The following PBX3 variants were observed in gnomAD, a reference collection of about 807,000 sequenced individuals.
The protein encoded by PBX3 is PBX homeobox 3, also known as pre-B-cell leukemia transcription factor 3.
Under a neutral mutation model 48.5 loss-of-function variants are expected in PBX3, and 14 were observed. The ratio of observed to expected loss-of-function variants is 0.29; its 90% CI spans 0.19 to 0.45. The LOEUF (loss-of-function observed/expected upper bound fraction) is 0.45, where lower values mean the gene tolerates loss of function less well. Among genes scored for constraint, PBX3 ranks in the 20% least tolerant of loss-of-function variants. The probability of loss-of-function intolerance (pLI) is 1.00; values close to 1 mark genes in which losing one functional copy is unlikely to be tolerated. For missense variants in PBX3, 386 were observed against 546.7 expected (o/e 0.71, Z 2.93); for synonymous variants, 210 against 200.3 (o/e 1.05, Z -0.41).
chr9:125,768,155 G>A (rs1318655962), intron 2 of PBX3, among the ~76,000 whole-genome samples: 1 of 152,030 alleles, frequency 6.6e-6, no homozygotes, highest in South Asian at 2.1e-4. Flanking sequence ...TGTCTTTTTG[G>A]TAACTGTTTT....
Position 125,966,778 on chromosome 9 carries a change from C to G in PBX3, c.*855C>G, listed in dbSNP as rs1259991853. 6.6e-6 allele frequency: 1 copy of G among 152,612 alleles called. No homozygotes were observed. The allele number at this position is 152,612 out of a possible 1,614,324, so 9.5% of individuals were successfully genotyped here. A position where few individuals can be genotyped will look rare whatever the true frequency, so the allele number is the denominator to read the frequency against. On this transcript the variant is annotated 3_prime_UTR_variant, in exon 9 of 9. Transcript: ENST00000373489. ...CAAAACACAGCTTTATTACCTCATG[C>G]GAACTCATACAAACCAATAGAATTT... is the stretch of plus-strand genomic sequence containing the variant.
chr9:125,779,623 G>A lies in PBX3; in HGVS notation c.274+31000G>A, dbSNP rs1007390125. Reference sequence around the variant, plus strand: ...TCCCAAGGCAGAAGAATTTATCTTAGTACAGAACAAAATGAAAAGTCTCCC... The same window carrying A: ...TCCCAAGGCAGAAGAATTTATCTTAATACAGAACAAAATGAAAAGTCTCCC... On this transcript the variant is annotated intron_variant, in intron 2 of 8. Transcript: ENST00000373489. 6.8e-5 allele frequency among the ~76,000 whole-genome samples: 8 copies of A among 117,180 alleles called. 1 individual carries two copies. Among genetic ancestry groups the A allele is most frequent in the African/African-American group, 2.6e-4 (7 of 27,060 alleles). The allele number at this position is 117,180 out of a possible 152,430, so 76.9% of individuals were successfully genotyped here. A position where few individuals can be genotyped will look rare whatever the true frequency, so the allele number is the denominator to read the frequency against.
chr9:125,883,937 A>G (rs1350472501), intron 2 of PBX3, among the ~76,000 whole-genome samples: 2 of 152,178 alleles, frequency 1.3e-5, no homozygotes, highest in Non-Finnish European at 2.9e-5. Context: ...GGGCTGAGTG[A>G]TAGATTCGCC....
intron 5 of PBX3, among the ~76,000 whole-genome samples, chr9:125,943,346 C>A (rs1841998325): frequency 1.3e-5 from 1 of 79,592 alleles, no homozygotes; most frequent in African/African-American, 5.1e-5. Context: ...CAGAGTGAGA[C>A]TGTCTCAAAA....
In PBX3 at chr9:125,748,513, A is replaced by G. The variant is rs1273814236; in HGVS notation, c.201-37A>G. On this transcript the variant is annotated intron_variant, in intron 1 of 8. Coordinates refer to ENST00000373489, the MANE Select transcript of PBX3 (RefSeq NM_006195.6). ...AAGGCGCCATATTATTCCATAGGTG[A>G]TGCTAATACCTTTGTGTTTCGTTAT... 1.9e-6 allele frequency: 3 copies of G among 1,603,518 alleles called. No homozygotes were observed. In the African/African-American group the frequency reaches 4.0e-5, roughly 21 times the overall value.
At chr9:125,803,833 A>T (rs755495835) in intron 2 of PBX3, among the ~76,000 whole-genome samples, 19 of 152,252 alleles carry the variant, frequency 1.2e-4, no homozygotes, top group Non-Finnish European at 2.5e-4. Context: ...AGTAAAGTTA[A>T]TGACCTTAGA....
chr9:125,795,391 T>A (rs1242872900), intron 2 of PBX3, among the ~76,000 whole-genome samples: 1 of 152,242 alleles, frequency 6.6e-6, no homozygotes, highest in African/African-American at 2.4e-5. Context: ...AACATTTGAT[T>A]CAGAATTTAG....
chr9:125,817,466 A>G (rs1021300281), intron 2 of PBX3, among the ~76,000 whole-genome samples: 1 of 152,140 alleles, frequency 6.6e-6, no homozygotes, highest in Non-Finnish European at 1.5e-5. Flanking sequence ...TGTGCGATAG[A>G]TACATGTCCC....
chr9:125,791,880 C>G (rs1265180323), intron 2 of PBX3, among the ~76,000 whole-genome samples: 1 of 150,514 alleles, frequency 6.6e-6, no homozygotes, highest in African/African-American at 2.4e-5. Context: ...AGGTTGCAGA[C>G]TCCGTCTCAA....
intron 2 of PBX3, among the ~76,000 whole-genome samples, chr9:125,832,176 A>G (rs1449113883): frequency 1.3e-5 from 2 of 150,786 alleles, no homozygotes; most frequent in Admixed American, 6.6e-5. Flanking sequence ...ATATTGTTAT[A>G]AATATATACT....
chr9:125,854,068 G>A (rs1839655762), intron 2 of PBX3, among the ~76,000 whole-genome samples: 1 of 151,980 alleles, frequency 6.6e-6, no homozygotes, highest in Admixed American at 6.6e-5. Flanking sequence ...CGGAATCTCT[G>A]GAGAGCACCA....
chr9:125,944,972 C>T (rs1408677617), intron 5 of PBX3, among the ~76,000 whole-genome samples: 3 of 152,018 alleles, frequency 2.0e-5, no homozygotes, highest in African/African-American at 7.3e-5. Context: ...CCTGTAATCC[C>T]AGCACTTTGG....
chr9:125,778,611 T>C (rs1451251103), intron 2 of PBX3, among the ~76,000 whole-genome samples: 1 of 150,648 alleles, frequency 6.6e-6, no homozygotes, highest in Non-Finnish European at 1.5e-5. Flanking sequence ...TTTTCTTTTT[T>C]TTTTTTTTCA....
At chr9:125,954,533 TG>T (rs2118782470) in intron 5 of PBX3, among the ~76,000 whole-genome samples, 1 of 152,206 alleles carries the variant, frequency 6.6e-6, no homozygotes, top group South Asian at 2.1e-4. Flanking sequence ...AGCAAGTTTA[TG>T]TTTTTTTGTT....
Position 125,943,605 on chromosome 9 carries a change from G to T in PBX3, c.843+7998G>T, listed in dbSNP as rs904614262. The stretch of plus-strand genomic sequence containing the variant: ...CTGTGTCTAACCTTTCCGCTGCCTT[G>T]CTTCCATGAGGCGTTTGAGGCTAAT... On this transcript the variant is annotated intron_variant, in intron 5 of 8. Coordinates refer to ENST00000373489, the MANE Select transcript of PBX3 (RefSeq NM_006195.6). 2.6e-5 allele frequency among the ~76,000 whole-genome samples: 4 copies of T among 151,938 alleles called. No individual in the cohort carries two copies. The East Asian group carries it at 7.7e-4, about 29-fold the overall frequency.
chr9:125,905,097 T>G (rs1240592318), intron 2 of PBX3, among the ~76,000 whole-genome samples: 2 of 151,968 alleles, frequency 1.3e-5, no homozygotes, highest in Non-Finnish European at 2.9e-5. Flanking sequence ...GAGAAGTGGG[T>G]TGAATAATGA....
At chr9:125,952,344 C>T (rs918072415) in intron 5 of PBX3, among the ~76,000 whole-genome samples, 2 of 152,216 alleles carry the variant, frequency 1.3e-5, no homozygotes, top group Non-Finnish European at 2.9e-5. Context: ...CAAGGATGAA[C>T]TACAAAGTTC....
intron 3 of PBX3, among the ~76,000 whole-genome samples, chr9:125,925,004 CT>C (rs906100380): frequency 6.6e-6 from 1 of 152,180 alleles, no homozygotes; most frequent in African/African-American, 2.4e-5. Context: ...TAAAAGTGCT[CT>C]TTCTCAAGAC....
At chr9:125,962,948 C>A (rs1842460001) in intron 7 of PBX3, 64 bp from the exon 8 acceptor site, 1 of 835,732 alleles carries the variant, frequency 1.2e-6, no homozygotes, top group Non-Finnish European at 1.9e-6. Context: ...AAATTATTTC[C>A]TTTTGTAAGT....
Sources: allele counts gnomAD v4.1 joint callset (sites outside exome capture counted in the v4.1 genomes callset), GRCh38; gene constraint gnomAD v4.1.1; transcripts MANE v1.5; gene names NCBI Gene and HGNC (gene_info 2026-07-23, HGNC 2026-07-21).